The following USP54 variants were observed in gnomAD, a reference collection of about 807,000 sequenced individuals.
The protein encoded by USP54 is ubiquitin specific peptidase 54.
Under a neutral mutation model 170.5 loss-of-function variants are expected in USP54, and 87 were observed. The ratio of observed to expected loss-of-function variants is 0.51; its 90% confidence interval spans 0.43 to 0.61. The LOEUF (loss-of-function observed/expected upper bound fraction) is 0.61, where lower values mean the gene tolerates loss of function less well. Ranked by LOEUF, USP54 falls within the 20% of genes least tolerant of loss-of-function variation. The pLI, the probability that USP54 is intolerant of heterozygous loss-of-function variation, is 0.00. For missense variants in USP54, 1,786 were observed against 2,047.8 expected (o/e 0.87, Z 2.47); for synonymous variants, 655 against 742.8 (o/e 0.88, Z 1.92).
intron 3 of USP54, among the ~76,000 whole-genome samples, chr10:73,572,155 A>G (rs1412058181): frequency 6.6e-6 from 1 of 152,216 alleles, no homozygotes; most frequent in Non-Finnish European, 1.5e-5. Flanking sequence ...TGAGAAAAGC[A>G]TTAGACAAAT....
Position 73,575,631 on chromosome 10 carries a change from C to T in USP54, c.28G>A (p.Gly10Arg). ...ATCCCTTGTACACTACCACGACCCC[C>T]TGAAAAATAATTTCTCTTCCAAGAC... is the stretch of plus-strand genomic sequence containing the variant. Reference protein sequence around the residue: MSWKRNYFSGGRGSVQGMFA... With the variant: MSWKRNYFSRGRGSVQGMFA... Residue 10 changes from glycine (G) to arginine (R), a missense_variant, in exon 3 of 24, where the codon GGG becomes AGG. Physicochemically the swap from Gly to Arg is moderately radical, Grantham distance 125 (BLOSUM62 -2). Around this residue, in one of 3 missense-constraint regions of USP54, gnomAD observed 361 missense variants for 455.0 expected, o/e 0.79. Transcript: ENST00000687698. 2 of 1,609,186 alleles carry T rather than the reference C, an allele frequency of 1.2e-6. No individual in the cohort carries two copies. Among genetic ancestry groups the T allele is most frequent in the East Asian group, 2.2e-5 (1 of 44,782 alleles).
chr10:73,545,420 C>A, intron 5 of USP54, 118 bp downstream of exon 5: 1 of 1,325,710 alleles, frequency 7.5e-7, no homozygotes, highest in Non-Finnish European at 1.0e-6. Context: ...AGAGAAAACT[C>A]CTAGTTCTAA....
chr10:73,549,827 C>A (rs961529414), intron 4 of USP54, among the ~76,000 whole-genome samples: 1 of 152,164 alleles, frequency 6.6e-6, no homozygotes, highest in Non-Finnish European at 1.5e-5. Context: ...TCATATCATT[C>A]TTCTGCTCAA....
At chr10:73,558,356 C>A (rs1425822255) in intron 4 of USP54, among the ~76,000 whole-genome samples, 1 of 152,106 alleles carries the variant, frequency 6.6e-6, no homozygotes, top group East Asian at 1.9e-4. Flanking sequence ...GTACATTTTA[C>A]AGAACCAAAG....
rs1330891167 is a variant in USP54 at position 73,538,567 on chromosome 10, C to T, written c.975+877G>A. ...CTGTGGCTCACGCCTGTAATCCCAA[C>T]ACTTTGGCAGGCTGAGGAGGGAGGA... On this transcript the variant is annotated intron_variant, in intron 10 of 23. Coordinates refer to ENST00000687698, the MANE Select transcript of USP54 (RefSeq NM_001391956.1). Among the ~76,000 whole-genome samples, 4 of 152,002 alleles carry T rather than the reference C, an allele frequency of 2.6e-5. No individual in the cohort carries two copies. In the South Asian group the frequency reaches 8.3e-4, roughly 32 times the overall value.
chr10:73,546,995 G>T (rs2067985284), intron 4 of USP54, among the ~76,000 whole-genome samples: 1 of 152,118 alleles, frequency 6.6e-6, no homozygotes, highest in African/African-American at 2.4e-5. Flanking sequence ...TGTATTACTT[G>T]TGGCAAATAT....
chr10:73,506,961 G>C (rs2059238982), intron 20 of USP54: 1 of 151,828 alleles, frequency 6.6e-6, no homozygotes, highest in Non-Finnish European at 1.5e-5. Flanking sequence ...ATTTATAGTA[G>C]CCAAGAACTA....
chr10:73,501,202 GA>G (rs576076472), intron 22 of USP54, among the ~76,000 whole-genome samples: 39 of 150,728 alleles, frequency 2.6e-4, no homozygotes, highest in Non-Finnish European at 5.2e-4. Flanking sequence ...GAGAGAATGA[GA>G]AAAAAAAATC....
At position 73,516,506 on chromosome 10, in the gene USP54, T is replaced by C. The variant is rs766837843; in HGVS notation, c.3920A>G (p.His1307Arg). 3.1e-6 allele frequency: 5 copies of C among 1,614,164 alleles called. No homozygotes were observed. The highest frequency in any genetic ancestry group is 3.3e-5 in the Admixed American group (2 of 60,016). Reference sequence around the variant, plus strand: ...CTCCTGCTCTGTGTCTTGGTTCCAATGTGGATGCAAAAGGATGTGATTTCT... The same window carrying C: ...CTCCTGCTCTGTGTCTTGGTTCCAACGTGGATGCAAAAGGATGTGATTTCT... ...PERNHILLHP[H>R]WNQDTEQETS... is the part of the protein sequence containing the mutation. Residue 1307 changes from histidine (H) to arginine (R), a missense_variant, in exon 20 of 24, where the codon CAT (histidine) becomes CGT (arginine). Physicochemically the swap from His to Arg is conservative, Grantham distance 29. Coordinates refer to ENST00000687698, the MANE Select transcript of USP54 (RefSeq NM_001391956.1).
intron 22 of USP54, among the ~76,000 whole-genome samples, chr10:73,501,941 C>T (rs957817968): frequency 2.2e-4 from 33 of 152,162 alleles, no homozygotes; most frequent in Admixed American, 7.2e-4. Context: ...AAAAAAACCA[C>T]TATTACCTCT....
At chr10:73,551,505 A>G (rs1477223178) in intron 4 of USP54, among the ~76,000 whole-genome samples, 4 of 152,296 alleles carry the variant, frequency 2.6e-5, no homozygotes, top group Non-Finnish European at 4.4e-5. Context: ...CCAGTGACCT[A>G]TGGGATTTTG....
rs902097403 is a variant in USP54, at chr10:73,516,749, C to T, written c.3677G>A (p.Arg1226Lys). Residue 1226 changes from arginine to lysine, a missense_variant, in exon 20 of 24, where the codon AGG becomes AAG. Physicochemically the swap from Arg to Lys is conservative, Grantham distance 26. Coordinates refer to ENST00000687698, the MANE Select transcript of USP54 (RefSeq NM_001391956.1). ...TTGGTATATGTCTGGCTCTGCCAACCTGGGCTGTCCTCCGCTAGAAGTTTC... is the reference window on the plus strand; with the variant it reads ...TTGGTATATGTCTGGCTCTGCCAACTTGGGCTGTCCTCCGCTAGAAGTTTC... ...NGETSSGGQP[R>K]LAEPDIYQEK... The T allele has an allele frequency of 1.2e-6, 2 of 1,614,044 alleles. No individual in the cohort carries two copies. The highest frequency in any genetic ancestry group is 2.7e-5 in the African/African-American group (2 of 74,924).
At position 73,530,795 on chromosome 10, in the gene USP54, G is replaced by A. The variant is rs754536238; in HGVS notation, c.1356C>T (p.Ser452=). The A allele has an allele frequency of 8.1e-6, 13 of 1,613,972 alleles. No individual in the cohort carries two copies. Among genetic ancestry groups the A allele is most frequent in the African/African-American group, 1.3e-5 (1 of 74,910 alleles). Residue 452 remains serine (S), a synonymous_variant, in exon 13 of 24, where the codon TCC becomes TCT. Coordinates refer to ENST00000687698, the MANE Select transcript of USP54 (RefSeq NM_001391956.1). The part of the protein sequence containing the change: ...TDSECNQKHT[S]KKGSLIERKR... The stretch of plus-strand genomic sequence containing the variant: ...TGCGCTCTATCAGTGACCCTTTCTT[G>A]GATGTGTGTTTCTGATTACATTCAC...
chr10:73,613,569 A>G (rs2080343833), intron 1 of USP54, among the ~76,000 whole-genome samples: 1 of 152,156 alleles, frequency 6.6e-6, no homozygotes, highest in Non-Finnish European at 1.5e-5. Context: ...AAAGACGTGA[A>G]CAGTTAGAAA....
At chr10:73,560,052 A>C (rs1275301379) in intron 4 of USP54, among the ~76,000 whole-genome samples, 1 of 152,090 alleles carries the variant, frequency 6.6e-6, no homozygotes, top group East Asian at 1.9e-4. Context: ...CAAAAAAAAA[A>C]GAGGGAATGC....
chr10:73,622,943 GAA>G (rs74638216), intron 1 of USP54, among the ~76,000 whole-genome samples: 8 of 103,756 alleles, frequency 7.7e-5, no homozygotes, highest in South Asian at 2.9e-4. Context: ...CGTCTTTAAA[GAA>G]AAAAAAAAAA....
intron 1 of USP54, among the ~76,000 whole-genome samples, chr10:73,598,560 C>A (rs1311854668): frequency 6.6e-6 from 1 of 152,042 alleles, no homozygotes; most frequent in Non-Finnish European, 1.5e-5. Context: ...CCGATCACAA[C>A]AAGGTCAGGA....
At chr10:73,507,398 G>A (rs1050339917) in intron 20 of USP54, 3 of 152,124 alleles carry the variant, frequency 2.0e-5, no homozygotes, top group African/African-American at 2.4e-5. Context: ...GCTAAGGCTG[G>A]GTGCGGTGGC....
intron 17 of USP54, 78 bp from the exon 18 acceptor site, chr10:73,521,105 A>C: frequency 1.3e-6 from 2 of 1,582,334 alleles, no homozygotes; most frequent in South Asian, 2.2e-5. Flanking sequence ...CCTTCAGTAC[A>C]CAGAGATCCT....
Sources: gnomAD v4.1 joint callset for allele counts (sites outside exome capture counted in the v4.1 genomes callset) on GRCh38, gnomAD v4.1.1 for gene constraint, gnomAD v4.1.1 regional missense constraint, MANE v1.5 for transcripts, NCBI Gene and HGNC (gene_info 2026-07-23, HGNC 2026-07-21) for gene names.